Variants in PPP1R26 observed in about 807,000 individuals in gnomAD.
The protein encoded by PPP1R26 is protein phosphatase 1 regulatory subunit 26, also known as 1A6/DRIM (down-regulated in metastasis) interacting protein.
A neutral mutation model predicts 67.6 loss-of-function variants in PPP1R26; 22 were observed. The ratio of observed to expected loss-of-function variants is 0.33; its 90% CI spans 0.23 to 0.46. The LOEUF is 0.46. PPP1R26 is among the 20% of genes least tolerant of loss of function. The probability of loss-of-function intolerance (pLI) is 1.00; values close to 1 mark genes in which losing one functional copy is unlikely to be tolerated. For synonymous variants in PPP1R26, 729 were observed against 717.2 expected (o/e 1.02, Z -0.26); for missense variants, 1,602 against 1,651.4 (o/e 0.97, Z 0.52).
chr9:135,480,772 T>C (rs1305246319), intron 1 of PPP1R26: 2 of 152,318 alleles, frequency 1.3e-5, no homozygotes, highest in Admixed American at 1.3e-4. Flanking sequence ...GGCTGGGAGC[T>C]GAATTCTAGC....
In PPP1R26 at chr9:135,486,226, C is replaced by T. The variant is rs1830724442; in HGVS notation, c.1716C>T (p.Asn572=). The T allele has an allele frequency of 1.2e-6, 2 of 1,612,902 alleles. No individual in the cohort carries two copies. The highest frequency in any genetic ancestry group is 1.6e-4 in the Middle Eastern group (1 of 6,084). Reference sequence around the variant, plus strand: ...GTCCACTTTTGCCGCCTGGCCTCAACAGCCAGACCGGCGGCCACAAGACCC... The same window carrying T: ...GTCCACTTTTGCCGCCTGGCCTCAATAGCCAGACCGGCGGCCACAAGACCC... The part of the protein sequence containing the change: ...AQGPLLPPGL[N]SQTGGHKTPL... Residue 572 remains asparagine, a synonymous_variant, in exon 4 of 4, where the codon AAC becomes AAT. Transcript: ENST00000356818. This position sits in a 1 kb window ranked among gnomAD's most constrained non-coding sequence, Gnocchi z 6.2.
chr9:135,487,791 C>T lies in PPP1R26; in HGVS notation c.3281C>T (p.Ser1094Phe). 3 of 1,568,362 alleles carry T rather than the reference C, an allele frequency of 1.9e-6. No homozygotes were observed. Among genetic ancestry groups the T allele is most frequent in the Non-Finnish European group, 2.6e-6 (3 of 1,161,352 alleles). ...TQLFHFGKGV[S>F]WGGRQAGLFS... The stretch of plus-strand genomic sequence containing the variant: ...CTCTTCCACTTTGGAAAGGGTGTCT[C>T]CTGGGGGGGCAGGCAGGCTGGCCTC... Residue 1094 changes from serine (S) to phenylalanine (F), a missense_variant, in exon 4 of 4, where the codon TCC becomes TTC. By Grantham distance (155) the Ser-to-Phe change is radical (BLOSUM62 -2). Around this residue, in one of 5 missense-constraint regions of PPP1R26, gnomAD observed 740 missense variants for 696.3 expected, o/e 1.06. Transcript: ENST00000356818.
chr9:135,487,511 T>C lies in PPP1R26; in HGVS notation c.3001T>C (p.Cys1001Arg). The C allele has an allele frequency of 6.2e-7, 1 of 1,606,888 alleles. No homozygotes were observed. The change falls in exon 4 of 4, where the codon TGC (cysteine) becomes CGC (arginine). Residue 1001 changes from cysteine to arginine, a missense_variant. Cys to Arg is a radical substitution (Grantham distance 180). Transcript: ENST00000356818. ...CGCCAGAGGAACCTTTCACATGGGC[T>C]GCGGGAGCCCGAGCTTCCTGACCCC... ...GGARGTFHMG[C>R]GSPSFLTPSP...
chr9:135,485,484 G>A lies in PPP1R26; in HGVS notation c.974G>A (p.Cys325Tyr). ...GGCAGCACGAAGCCGGCAACCCCCT[G>A]CCGCCCTTCAGAAGCAGCACAGAAT... The part of the protein sequence containing the change: ...NEGSTKPATP[C>Y]RPSEAAQNKG... The change falls in exon 4 of 4, where the codon TGC becomes TAC. Residue 325 changes from cysteine to tyrosine, a missense_variant. Physicochemically the swap from Cys to Tyr is radical, Grantham distance 194 (BLOSUM62 -2). Coordinates refer to ENST00000356818, the MANE Select transcript of PPP1R26 (RefSeq NM_014811.5). The surrounding 1 kb of genome is among the most constrained non-coding windows in gnomAD (Gnocchi z 7.2). 6.2e-7 allele frequency: 1 copy of A among 1,613,094 alleles called. No homozygotes were observed. Among genetic ancestry groups the A allele is most frequent in the Non-Finnish European group, 8.5e-7 (1 of 1,180,000 alleles).
chr9:135,487,536 C>G lies in PPP1R26; in HGVS notation c.3026C>G (p.Pro1009Arg), dbSNP rs1361092096. The G allele has an allele frequency of 6.3e-7, 1 of 1,591,214 alleles. No individual in the cohort carries two copies. Among genetic ancestry groups the G allele is most frequent in the African/African-American group, 1.3e-5 (1 of 74,314 alleles). ...MGCGSPSFLT[P>R]SPGAERDAGA... ...TGCGGGAGCCCGAGCTTCCTGACCC[C>G]CAGCCCGGGAGCGGAGAGGGACGCT... Residue 1009 changes from proline to arginine, a missense_variant, in exon 4 of 4, where the codon CCC becomes CGC. Pro to Arg is a moderately radical substitution (Grantham distance 103). This residue lies in a region of PPP1R26 where 740 missense variants were observed against 696.3 expected (regional missense o/e 1.06). Transcript: ENST00000356818.
In PPP1R26 at chr9:135,485,679, A is replaced by G; in HGVS notation, c.1169A>G (p.Gln390Arg). 6.2e-7 allele frequency: 1 copy of G among 1,611,478 alleles called. No homozygotes were observed. The highest frequency in any genetic ancestry group is 1.3e-5 in the African/African-American group (1 of 75,034). Reference protein sequence around the residue: ...TRKEADGDLPQRVQLREERAP... With the variant: ...TRKEADGDLPRRVQLREERAP... ...AAGGAGGCCGACGGGGACCTGCCCCAGAGGGTCCAACTCCGAGAGGAGAGA... is the reference window on the plus strand; with the variant it reads ...AAGGAGGCCGACGGGGACCTGCCCCGGAGGGTCCAACTCCGAGAGGAGAGA... The change falls in exon 4 of 4, where the codon CAG (glutamine) becomes CGG (arginine). Residue 390 changes from glutamine (Q) to arginine (R), a missense_variant. Around this residue, in one of 5 missense-constraint regions of PPP1R26, gnomAD observed 680 missense variants for 726.1 expected, o/e 0.94. Coordinates refer to ENST00000356818, the MANE Select transcript of PPP1R26 (RefSeq NM_014811.5). This position sits in a 1 kb window ranked among gnomAD's most constrained non-coding sequence, Gnocchi z 7.2.
At chr9:135,480,262 C>CCAGGTGAGGCG (rs1412671401) in intron 1 of PPP1R26, 1 of 152,148 alleles carries the variant, frequency 6.6e-6, no homozygotes, top group Non-Finnish European at 1.5e-5. Flanking sequence ...TCCTGGAGCC[C>CCAGGTGAGGCG]CAGGTGAGGC....
chr9:135,485,892 C>G lies in PPP1R26; in HGVS notation c.1382C>G (p.Pro461Arg). The G allele has an allele frequency of 6.2e-7, 1 of 1,613,550 alleles. No homozygotes were observed. The highest frequency in any genetic ancestry group is 1.1e-5 in the South Asian group (1 of 91,076). The change falls in exon 4 of 4, where the codon CCT becomes CGT. Residue 461 changes from proline to arginine, a missense_variant. Coordinates refer to ENST00000356818, the MANE Select transcript of PPP1R26 (RefSeq NM_014811.5). The surrounding 1 kb of genome is among the most constrained non-coding windows in gnomAD (Gnocchi z 7.2). Reference sequence around the variant, plus strand: ...ACCAAAGCTCCACCTCCAGCGAGCCCTGCTTCCAGGAGTGAGTTTGTGGAA... The same window carrying G: ...ACCAAAGCTCCACCTCCAGCGAGCCGTGCTTCCAGGAGTGAGTTTGTGGAA... ...KETKAPPPAS[P>R]ASRSEFVERS...
intron 2 of PPP1R26, among the ~76,000 whole-genome samples, 158 bp downstream of exon 2, chr9:135,482,973 C>CTT (rs1170527722): frequency 2.7e-4 from 34 of 126,580 alleles, no homozygotes; most frequent in Non-Finnish European, 3.4e-4. Flanking sequence ...CCTTTTGTTT[C>CTT]TTTTTCTTTC....
At chr9:135,482,374 G>A (rs1375419676) in intron 1 of PPP1R26, among the ~76,000 whole-genome samples, 1 of 152,194 alleles carries the variant, frequency 6.6e-6, no homozygotes, top group Non-Finnish European at 1.5e-5. Flanking sequence ...GGGATGTCAT[G>A]GGCTGCAGTG....
Position 135,488,436 on chromosome 9 carries a change from C to G in PPP1R26, c.*296C>G, listed in dbSNP as rs1044516332. On this transcript the variant is annotated 3_prime_UTR_variant, in exon 4 of 4. Coordinates refer to ENST00000356818, the MANE Select transcript of PPP1R26 (RefSeq NM_014811.5). ...AGTTTTCTGTGTTCTGCATACAAGT[C>G]TTAGCTTAGGAAACATTTGGTTCTT... 1.4e-5 allele frequency: 4 copies of G among 277,624 alleles called. No homozygotes were observed. Among genetic ancestry groups the G allele is most frequent in the African/African-American group, 8.9e-5 (4 of 44,878 alleles). 17.2% of individuals were successfully genotyped at this position (277,624 alleles called of 1,614,324 possible).
In PPP1R26 at chr9:135,488,029, A is replaced by G. The variant is rs1830828901; in HGVS notation, c.3519A>G (p.Arg1173=). The G allele has an allele frequency of 1.2e-6, 2 of 1,610,646 alleles. No homozygotes were observed. Among genetic ancestry groups the G allele is most frequent in the Admixed American group, 1.7e-5 (1 of 59,216 alleles). ...SEESILDLRY[R]RRVNRDDQEQ... The stretch of plus-strand genomic sequence containing the variant: ...AAAGCATTTTAGACCTGAGGTATCG[A>G]CGAAGGGTCAACAGGGATGACCAGG... Residue 1173 remains arginine, a synonymous_variant, in exon 4 of 4, where the codon CGA becomes CGG. Coordinates refer to ENST00000356818, the MANE Select transcript of PPP1R26 (RefSeq NM_014811.5).
At position 135,486,579 on chromosome 9, in the gene PPP1R26, A is replaced by G; in HGVS notation, c.2069A>G (p.Asp690Gly). 1 of 1,612,244 alleles carries G rather than the reference A, an allele frequency of 6.2e-7. No individual in the cohort carries two copies. Among genetic ancestry groups the G allele is most frequent in the Non-Finnish European group, 8.5e-7 (1 of 1,180,022 alleles). The part of the protein sequence containing the change: ...SEDKSSSLDS[D>G]EDLDTAIKDL... The stretch of plus-strand genomic sequence containing the variant: ...GACAAAAGCAGCTCCCTGGACAGTG[A>G]CGAGGACCTGGACACAGCCATCAAG... Residue 690 changes from aspartate (D) to glycine (G), a missense_variant, in exon 4 of 4, where the codon GAC becomes GGC. Around this residue, in one of 5 missense-constraint regions of PPP1R26, gnomAD observed 7 missense variants for 24.3 expected, o/e 0.29. Coordinates refer to ENST00000356818, the MANE Select transcript of PPP1R26 (RefSeq NM_014811.5). This position sits in a 1 kb window ranked among gnomAD's most constrained non-coding sequence, Gnocchi z 6.2.
Position 135,487,102 on chromosome 9 carries a change from C to G in PPP1R26, c.2592C>G (p.Thr864=). 6.2e-7 allele frequency: 1 copy of G among 1,611,600 alleles called. No homozygotes were observed. Among genetic ancestry groups the G allele is most frequent in the East Asian group, 2.2e-5 (1 of 44,868 alleles). The change falls in exon 4 of 4, where the codon ACC becomes ACG. Residue 864 remains threonine (T), a synonymous_variant. Coordinates refer to ENST00000356818, the MANE Select transcript of PPP1R26 (RefSeq NM_014811.5). ...SSSEVQAEGP[T]ALGTGGPARP... ...CAGAAGTTCAGGCAGAGGGCCCCAC[C>G]GCTCTTGGGACAGGGGGCCCAGCCA...
In PPP1R26 at chr9:135,485,369, T is replaced by A. The variant is rs780658652; in HGVS notation, c.859T>A (p.Phe287Ile). The stretch of plus-strand genomic sequence containing the variant: ...GGGCCTGCTGGGCGTCCAGAAGGAG[T>A]TTGCCTTCCGCAAACCTCCCCGGTT... ...RQGLLGVQKEFAFRKPPRLAK... is the reference protein window; with the variant it reads ...RQGLLGVQKEIAFRKPPRLAK... The change falls in exon 4 of 4, where the codon TTT becomes ATT. Residue 287 changes from phenylalanine to isoleucine, a missense_variant. Coordinates refer to ENST00000356818, the MANE Select transcript of PPP1R26 (RefSeq NM_014811.5). This position sits in a 1 kb window ranked among gnomAD's most constrained non-coding sequence, Gnocchi z 7.2. The A allele has an allele frequency of 6.2e-7, 1 of 1,609,328 alleles. No homozygotes were observed. The highest frequency in any genetic ancestry group is 1.4e-5 in the African/African-American group (1 of 73,376).
At chr9:135,481,741 C>T (rs1391866169) in intron 1 of PPP1R26, among the ~76,000 whole-genome samples, 1 of 152,038 alleles carries the variant, frequency 6.6e-6, no homozygotes, top group Non-Finnish European at 1.5e-5. Context: ...GTCTCAGCCT[C>T]CCCAGTAGCT....
Position 135,484,647 on chromosome 9 carries a change from G to T in PPP1R26, c.137G>T (p.Arg46Leu). 2 of 1,611,252 alleles carry T rather than the reference G, an allele frequency of 1.2e-6. No homozygotes were observed. The highest frequency in any genetic ancestry group is 1.7e-6 in the Non-Finnish European group (2 of 1,179,962). ...GTGGAGAGCGCGTCGGTGAGCGCCC[G>T]GGTGCAGATGCTTATCAGCACTCTG... ...EGVESASVSA[R>L]VQMLISTLQR... Residue 46 changes from arginine (R) to leucine (L), a missense_variant, in exon 4 of 4, where the codon CGG becomes CTG. By Grantham distance (102) the Arg-to-Leu change is moderately radical. Transcript: ENST00000356818.
rs749163916 is a variant in PPP1R26 at position 135,485,082 on chromosome 9, T to G, written c.572T>G (p.Val191Gly). ...APTALCPPKL[V>G]PGSGGGPGSQ... ...ACTGCCCTGTGTCCCCCAAAACTTGTACCTGGATCAGGTGGTGGCCCCGGC... is the reference window on the plus strand; with the variant it reads ...ACTGCCCTGTGTCCCCCAAAACTTGGACCTGGATCAGGTGGTGGCCCCGGC... Residue 191 changes from valine to glycine, a missense_variant, in exon 4 of 4, where the codon GTA becomes GGA. Val to Gly is a moderately radical substitution (Grantham distance 109). Transcript: ENST00000356818. This position sits in a 1 kb window ranked among gnomAD's most constrained non-coding sequence, Gnocchi z 7.2. 12 of 1,611,342 alleles carry G rather than the reference T, an allele frequency of 7.4e-6. No homozygotes were observed. In the East Asian group the frequency reaches 2.7e-4, roughly 36 times the overall value.
rs1287560070 is a variant in PPP1R26 at position 135,485,761 on chromosome 9, G to C, written c.1251G>C (p.Glu417Asp). 1 of 1,611,396 alleles carries C rather than the reference G, an allele frequency of 6.2e-7. No homozygotes were observed. The highest frequency in any genetic ancestry group is 1.3e-5 in the African/African-American group (1 of 74,980). ...GTGCCACAAAAAGTGCCTTGCCCGA[G>C]ACCCACAGGAAAACACCCAGCAAGA... ...TSSATKSALP[E>D]THRKTPSKKK... Residue 417 changes from glutamate (E) to aspartate (D), a missense_variant, in exon 4 of 4, where the codon GAG becomes GAC. Physicochemically the swap from Glu to Asp is conservative, Grantham distance 45. Coordinates refer to ENST00000356818, the MANE Select transcript of PPP1R26 (RefSeq NM_014811.5). The surrounding 1 kb of genome is among the most constrained non-coding windows in gnomAD (Gnocchi z 7.2).
Sources: allele counts gnomAD v4.1 joint callset (sites outside exome capture counted in the v4.1 genomes callset), GRCh38; gene constraint gnomAD v4.1.1; regional missense constraint gnomAD v4.1.1; non-coding constraint Gnocchi (gnomAD v3.1); transcripts MANE v1.5; gene names NCBI Gene and HGNC (gene_info 2026-07-23, HGNC 2026-07-21).